Variants in GBF1 observed in about 807,000 individuals in gnomAD.
The protein encoded by GBF1 is golgi brefeldin A resistant guanine nucleotide exchange factor 1.
In GBF1, 114 loss-of-function variants were observed where a neutral mutation model predicts 210.5. The ratio of observed to expected loss-of-function variants is 0.54; its 90% CI spans 0.47 to 0.63. GBF1 has a LOEUF of 0.63. Ranked by LOEUF, GBF1 falls within the 30% of genes least tolerant of loss-of-function variation. The pLI, the probability that GBF1 is intolerant of heterozygous loss-of-function variation, is 0.00. For synonymous variants in GBF1, 850 were observed against 889.2 expected (o/e 0.96, Z 0.78); for missense variants, 1,851 against 2,357.7 (o/e 0.79, Z 4.45).
chr10:102,353,178 T>C (rs914509012), intron 7 of GBF1, among the ~76,000 whole-genome samples: 15 of 152,160 alleles, frequency 9.9e-5, no homozygotes, highest in African/African-American at 3.4e-4. Flanking sequence ...CTGCAAAGAA[T>C]TTTTTGCTCC....
At chr10:102,357,963 G>A (rs868252086) in intron 8 of GBF1, 76 bp from the exon 9 acceptor site, 2 of 977,722 alleles carry the variant, frequency 2.0e-6, no homozygotes, top group African/African-American at 3.2e-5. Context: ...GAGATCAGTA[G>A]GACTAAATGA....
chr10:102,335,684 C>T (rs1391617142), intron 3 of GBF1, among the ~76,000 whole-genome samples: 3 of 152,122 alleles, frequency 2.0e-5, no homozygotes, highest in East Asian at 1.9e-4. Flanking sequence ...GGGGACATCT[C>T]GTTATCCTTT....
intron 4 of GBF1, among the ~76,000 whole-genome samples, chr10:102,345,283 A>C (rs74802717): frequency 1.5e-5 from 1 of 67,750 alleles, no homozygotes; most frequent in Non-Finnish European, 3.9e-5. Flanking sequence ...CTCTGTCTCA[A>C]AAAAAAAAAA....
intron 3 of GBF1, among the ~76,000 whole-genome samples, chr10:102,312,401 TAGCCACGGC>T (rs1808759115): frequency 1.3e-5 from 2 of 152,328 alleles, no homozygotes; most frequent in South Asian, 4.1e-4. Context: ...TGCTTAGCTG[TAGCCACGGC>T]AGCTCTATGT....
chr10:102,277,495 C>G (rs1475463988), intron 3 of GBF1, among the ~76,000 whole-genome samples: 1 of 151,562 alleles, frequency 6.6e-6, no homozygotes. Flanking sequence ...CTCCCTGCCT[C>G]AGCCTCCTGA....
At chr10:102,293,764 G>GTTATTTTTT (rs2076642411) in intron 3 of GBF1, among the ~76,000 whole-genome samples, 1 of 50,888 alleles carries the variant, frequency 2.0e-5, no homozygotes, top group Non-Finnish European at 4.2e-5. Context: ...GCTGTAGTAT[G>GTTATTTTTT]TTTTGTGTTT....
At chr10:102,364,369 C>T (rs1236173047) in intron 17 of GBF1, among the ~76,000 whole-genome samples, 2 of 150,748 alleles carry the variant, frequency 1.3e-5, no homozygotes. Flanking sequence ...GGACTACAGG[C>T]GTGTGCCACC....
At chr10:102,331,602 G>A (rs1311672431) in intron 3 of GBF1, among the ~76,000 whole-genome samples, 2 of 152,012 alleles carry the variant, frequency 1.3e-5, no homozygotes, top group Non-Finnish European at 2.9e-5. Flanking sequence ...GGGCAAGAGA[G>A]AGAGAAGAAA....
At chr10:102,279,717 C>T (rs545701831) in intron 3 of GBF1, among the ~76,000 whole-genome samples, 1 of 152,198 alleles carries the variant, frequency 6.6e-6, no homozygotes, top group South Asian at 2.1e-4. Flanking sequence ...AGTATTGCTT[C>T]TTGAGACTCA....
chr10:102,330,693 A>AT (rs1297797479), intron 3 of GBF1, among the ~76,000 whole-genome samples: 5 of 152,132 alleles, frequency 3.3e-5, no homozygotes, highest in Non-Finnish European at 5.9e-5. Context: ...TCTCAAAAAA[A>AT]AAATAAATAA....
chr10:102,293,764 G>GAT (rs2076640604), intron 3 of GBF1, among the ~76,000 whole-genome samples: 1 of 50,888 alleles, frequency 2.0e-5, no homozygotes, highest in East Asian at 4.8e-4. Context: ...GCTGTAGTAT[G>GAT]TTTTGTGTTT....
chr10:102,239,992 C>T, the GBF1 span, among the ~76,000 whole-genome samples: 1 of 152,240 alleles, frequency 6.6e-6, no homozygotes, highest in Non-Finnish European at 1.5e-5. Flanking sequence ...CGCTCAGCCA[C>T]CAGGGTGGTG....
At chr10:102,252,408 A>G (rs981393862) in intron 1 of GBF1, among the ~76,000 whole-genome samples, 1 of 152,086 alleles carries the variant, frequency 6.6e-6, no homozygotes, top group African/African-American at 2.4e-5. Flanking sequence ...TCTTAGAACC[A>G]CTGTGATATT....
chr10:102,291,086 T>C (rs1278470773), intron 3 of GBF1, among the ~76,000 whole-genome samples: 1 of 152,242 alleles, frequency 6.6e-6, no homozygotes, highest in Non-Finnish European at 1.5e-5. Flanking sequence ...GTATTACATG[T>C]ATCAGGTTCT....
intron 3 of GBF1, among the ~76,000 whole-genome samples, chr10:102,272,404 C>T (rs556706067): frequency 2.6e-5 from 4 of 152,288 alleles, no homozygotes; most frequent in Admixed American, 2.0e-4. Flanking sequence ...TGCACCCGGC[C>T]GCAATTGTTG....
intron 3 of GBF1, among the ~76,000 whole-genome samples, chr10:102,307,646 C>T (rs1440895596): frequency 6.6e-6 from 1 of 152,060 alleles, no homozygotes; most frequent in African/African-American, 2.4e-5. Flanking sequence ...AAAAAATTAG[C>T]CGGGCGTGGT....
intron 3 of GBF1, among the ~76,000 whole-genome samples, chr10:102,265,577 A>G (rs2073773778): frequency 6.6e-6 from 1 of 152,102 alleles, no homozygotes; most frequent in Non-Finnish European, 1.5e-5. Context: ...AGTTCCAGCT[A>G]CTTAGGCTGA....
chr10:102,310,763 G>A (rs544779537), intron 3 of GBF1, among the ~76,000 whole-genome samples: 1 of 152,342 alleles, frequency 6.6e-6, no homozygotes, highest in South Asian at 2.1e-4. Context: ...AGGCCATGTT[G>A]CTCTTGCTAA....
chr10:102,233,921 C>T, the GBF1 span, among the ~76,000 whole-genome samples: 3 of 152,188 alleles, frequency 2.0e-5, no homozygotes, highest in Non-Finnish European at 4.4e-5. Flanking sequence ...TCTCCCAGGA[C>T]CCCTCTGCTG....
Sources: allele counts gnomAD v4.1 joint callset (sites outside exome capture counted in the v4.1 genomes callset), GRCh38; gene constraint gnomAD v4.1.1; transcripts MANE v1.5; gene names NCBI Gene and HGNC (gene_info 2026-07-23, HGNC 2026-07-21).